Variants in SDK1 observed in about 807,000 individuals in gnomAD.
SDK1 encodes sidekick cell adhesion molecule 1.
A neutral mutation model predicts 245.5 loss-of-function variants in SDK1; 157 were observed. The ratio of observed to expected loss-of-function variants is 0.64; its 90% CI spans 0.56 to 0.73. The LOEUF is 0.73. SDK1 is among the 30% of genes least tolerant of loss of function. SDK1 has a pLI of 0.00. For synonymous variants in SDK1, 1,647 were observed against 1,278.5 expected, an observed-to-expected ratio of 1.29 and a Z score of -6.15; for missense variants, 3,583 against 3,002.3, an observed-to-expected ratio of 1.19 and a Z score of -4.52.
At chr7:3,695,445 C>T (rs1411484177) in intron 4 of SDK1, among the ~76,000 whole-genome samples, 2 of 152,150 alleles carry the variant, frequency 1.3e-5, no homozygotes, top group African/African-American at 2.4e-5. Flanking sequence ...TTCTCTTTCT[C>T]TTACATATGT....
At chr7:3,460,216 A>G (rs997985742) in intron 1 of SDK1, among the ~76,000 whole-genome samples, 1 of 152,234 alleles carries the variant, frequency 6.6e-6, no homozygotes, top group Non-Finnish European at 1.5e-5. Context: ...AATGGAGCCA[A>G]CTGCAGTACA....
chr7:3,918,962 A>G (rs927897476), intron 5 of SDK1, among the ~76,000 whole-genome samples: 2 of 152,208 alleles, frequency 1.3e-5, no homozygotes, highest in Non-Finnish European at 2.9e-5. Flanking sequence ...TCTTCTATCT[A>G]TTATTATTAT....
chr7:3,331,343 A>C (rs1472373361), intron 1 of SDK1, among the ~76,000 whole-genome samples: 1 of 152,124 alleles, frequency 6.6e-6, no homozygotes, highest in Non-Finnish European at 1.5e-5. Context: ...GCATGATCCT[A>C]ATAAGTGTGA....
chr7:3,417,147 C>A (rs1316181482), intron 1 of SDK1, among the ~76,000 whole-genome samples: 2 of 152,262 alleles, frequency 1.3e-5, no homozygotes, highest in East Asian at 3.9e-4. Context: ...GCACTCAAGC[C>A]TGGGCAACAA....
chr7:4,166,941 C>G (rs1180586465), intron 32 of SDK1, among the ~76,000 whole-genome samples: 1 of 152,194 alleles, frequency 6.6e-6, no homozygotes, highest in African/African-American at 2.4e-5. Flanking sequence ...AGGAGAGAGG[C>G]TTTCCCTGCA....
At chr7:3,655,452 T>C (rs55738013) in intron 4 of SDK1, among the ~76,000 whole-genome samples, 2 of 5,398 alleles carry the variant, frequency 3.7e-4, no homozygotes, top group Admixed American at 4.8e-3. Context: ...AAAACAAATA[T>C]ATATATATAT....
intron 1 of SDK1, among the ~76,000 whole-genome samples, chr7:3,405,644 T>C (rs941878477): frequency 6.6e-6 from 1 of 152,234 alleles, no homozygotes. Flanking sequence ...GGTAGTGTTA[T>C]CAGATATGGT....
At chr7:3,923,017 T>C (rs572788668) in intron 5 of SDK1, among the ~76,000 whole-genome samples, 15 of 152,372 alleles carry the variant, frequency 9.8e-5, no homozygotes, top group African/African-American at 2.6e-4. Flanking sequence ...TTTGATTGTA[T>C]GCACTATCCA....
intron 1 of SDK1, among the ~76,000 whole-genome samples, chr7:3,325,887 G>T (rs991421954): frequency 6.7e-6 from 1 of 149,640 alleles, no homozygotes; most frequent in East Asian, 1.9e-4. Context: ...CCATGACTAG[G>T]CTGCCTGAAT....
intron 1 of SDK1, among the ~76,000 whole-genome samples, chr7:3,495,739 C>T (rs1411285236): frequency 1.3e-5 from 2 of 152,240 alleles, no homozygotes; most frequent in African/African-American, 2.4e-5. Flanking sequence ...CCACATGCCA[C>T]GAGGCGAGAC....
intron 1 of SDK1, among the ~76,000 whole-genome samples, chr7:3,547,437 G>T (rs2128622124): frequency 6.6e-6 from 1 of 152,236 alleles, no homozygotes; most frequent in East Asian, 1.9e-4. Flanking sequence ...GTGTACCTAT[G>T]GATACTAACT....
chr7:3,454,386 AT>A (rs1005176458), intron 1 of SDK1, among the ~76,000 whole-genome samples: 1 of 58,438 alleles, frequency 1.7e-5, no homozygotes, highest in Admixed American at 1.8e-4. Context: ...GTTCCCCAAG[AT>A]TTGTGTGTGT....
At chr7:3,378,810 C>T (rs1002620786) in intron 1 of SDK1, among the ~76,000 whole-genome samples, 13 of 148,782 alleles carry the variant, frequency 8.7e-5, no homozygotes, top group Admixed American at 3.3e-4. Flanking sequence ...CTGCCCTGCT[C>T]GCTGGGGGGC....
intron 5 of SDK1, among the ~76,000 whole-genome samples, chr7:3,826,906 T>TAGC (rs1228518858): frequency 6.6e-6 from 1 of 152,174 alleles, no homozygotes; most frequent in Non-Finnish European, 1.5e-5. Context: ...AAGAGGAGTG[T>TAGC]AGCTGGTGGC....
At chr7:3,907,465 G>T (rs1778989964) in intron 5 of SDK1, among the ~76,000 whole-genome samples, 1 of 152,150 alleles carries the variant, frequency 6.6e-6, no homozygotes, top group Admixed American at 6.5e-5. Context: ...TTTTGTGGCT[G>T]AACACTATTT....
chr7:3,828,688 G>C (rs1583456229), intron 5 of SDK1, among the ~76,000 whole-genome samples: 2 of 114,342 alleles, frequency 1.7e-5, no homozygotes, highest in South Asian at 5.7e-4. Context: ...CAAGGACTCT[G>C]TCACATGGAC....
intron 2 of SDK1, among the ~76,000 whole-genome samples, chr7:3,625,365 C>G (rs1324976365): frequency 1.3e-5 from 2 of 152,116 alleles, no homozygotes; most frequent in African/African-American, 2.4e-5. Flanking sequence ...AAAAGGTAAG[C>G]AACAAACTGG....
At chr7:3,691,441 A>C (rs1784434926) in intron 4 of SDK1, among the ~76,000 whole-genome samples, 1 of 152,242 alleles carries the variant, frequency 6.6e-6, no homozygotes, top group African/African-American at 2.4e-5. Flanking sequence ...ACTGGAGTCC[A>C]AGTAGCACTT....
chr7:3,904,426 A>G (rs781063553), intron 5 of SDK1, among the ~76,000 whole-genome samples: 16 of 152,280 alleles, frequency 1.1e-4, no homozygotes, highest in Non-Finnish European at 2.2e-4. Flanking sequence ...AGCCTGGTGC[A>G]GTGACTCACA....
Sources: gnomAD v4.1 joint callset for allele counts (sites outside exome capture counted in the v4.1 genomes callset) on GRCh38, gnomAD v4.1.1 for gene constraint, MANE v1.5 for transcripts, NCBI Gene and HGNC (gene_info 2026-07-23, HGNC 2026-07-21) for gene names.